Variants in SHROOM3 observed in about 807,000 individuals in gnomAD.
The protein encoded by SHROOM3 is protein Shroom3.
In SHROOM3, 47 loss-of-function variants were observed where a neutral mutation model predicts 138.6. The observed-to-expected ratio is 0.34, with a 90% CI of 0.27 to 0.43. SHROOM3 has a LOEUF of 0.43. Among genes scored for constraint, SHROOM3 ranks in the 20% least tolerant of loss-of-function variants. The pLI, the probability that SHROOM3 is intolerant of heterozygous loss-of-function variation, is 1.00. For missense variants in SHROOM3, 2,491 were observed against 2,596.5 expected (o/e 0.96, Z 0.88); for synonymous variants, 1,062 against 1,063.3 (o/e 1.00, Z 0.02).
intron 2 of SHROOM3, among the ~76,000 whole-genome samples, chr4:76,595,682 AATAGT>A (rs1734367215): frequency 6.6e-6 from 1 of 152,148 alleles, no homozygotes; most frequent in Non-Finnish European, 1.5e-5. Context: ...GATTACCAAG[AATAGT>A]ATAGACCAGG....
chr4:76,778,750 G>A, intron 10 of SHROOM3, 59 bp from the exon 11 acceptor site: 1 of 1,610,378 alleles, frequency 6.2e-7, no homozygotes, highest in East Asian at 2.2e-5. Flanking sequence ...CTTGCAGGGA[G>A]TCTGGCTCTT....
chr4:76,569,655 C>T (rs1227007719), intron 2 of SHROOM3, among the ~76,000 whole-genome samples: 1 of 150,936 alleles, frequency 6.6e-6, no homozygotes. Flanking sequence ...CTCTCTCACA[C>T]ATCTTTCCAG....
intron 3 of SHROOM3, 32 bp from the exon 4 acceptor site, chr4:76,730,772 A>G (rs1720847642): frequency 6.2e-7 from 1 of 1,613,360 alleles, no homozygotes; most frequent in Non-Finnish European, 8.5e-7. Flanking sequence ...GACTTTGGCT[A>G]ATGTTGGGGG....
intron 1 of SHROOM3, among the ~76,000 whole-genome samples, chr4:76,493,215 A>G (rs572546370): frequency 3.1e-5 from 4 of 129,916 alleles, no homozygotes; most frequent in Non-Finnish European, 6.3e-5. Flanking sequence ...CAGGAGTGAA[A>G]CTCCATCTCA....
At chr4:76,443,558 C>A (rs1221886231) in intron 1 of SHROOM3, among the ~76,000 whole-genome samples, 1 of 152,224 alleles carries the variant, frequency 6.6e-6, no homozygotes, top group Admixed American at 6.5e-5. Context: ...GTGCAGAGTC[C>A]TTGTTCTCCC....
chr4:76,597,338 T>C (rs1027303517), intron 2 of SHROOM3, among the ~76,000 whole-genome samples: 3 of 152,098 alleles, frequency 2.0e-5, no homozygotes, highest in Non-Finnish European at 4.4e-5. Flanking sequence ...AGTGAAGTCA[T>C]AGACAAAATC....
intron 2 of SHROOM3, among the ~76,000 whole-genome samples, chr4:76,587,826 G>A (rs1340404042): frequency 6.6e-6 from 1 of 152,158 alleles, no homozygotes; most frequent in Non-Finnish European, 1.5e-5. Flanking sequence ...CCATAGGTAG[G>A]TAGACACAAA....
At chr4:76,775,502 C>T (rs912811667) in intron 10 of SHROOM3, among the ~76,000 whole-genome samples, 1 of 151,998 alleles carries the variant, frequency 6.6e-6, no homozygotes, top group South Asian at 2.1e-4. Context: ...CCTTAAAGAA[C>T]TAAAAGTACA....
At chr4:76,622,507 CAA>C (rs1209503240) in intron 2 of SHROOM3, among the ~76,000 whole-genome samples, 2 of 151,844 alleles carry the variant, frequency 1.3e-5, no homozygotes, top group Non-Finnish European at 1.5e-5. Context: ...GTATTCCTAC[CAA>C]AGTTTCCATT....
intron 1 of SHROOM3, among the ~76,000 whole-genome samples, chr4:76,458,893 G>A (rs1731086004): frequency 6.6e-6 from 1 of 152,146 alleles, no homozygotes; most frequent in Admixed American, 6.5e-5. Context: ...CCTGTATTTG[G>A]ACAGGAGCTC....
At chr4:76,723,828 G>C (rs1486703160) in intron 3 of SHROOM3, among the ~76,000 whole-genome samples, 1 of 152,188 alleles carries the variant, frequency 6.6e-6, no homozygotes, top group Non-Finnish European at 1.5e-5. Context: ...GCCTAGAATG[G>C]TGGTTGGCAC....
intron 2 of SHROOM3, among the ~76,000 whole-genome samples, chr4:76,696,227 C>T (rs1377585925): frequency 1.3e-5 from 2 of 152,214 alleles, no homozygotes; most frequent in Non-Finnish European, 2.9e-5. Flanking sequence ...TCACAATAGA[C>T]GCACATGGTT....
chr4:76,570,292 A>G (rs1319390626), intron 2 of SHROOM3, among the ~76,000 whole-genome samples: 1 of 152,078 alleles, frequency 6.6e-6, no homozygotes, highest in African/African-American at 2.4e-5. Context: ...AATGGCCTCC[A>G]TGTCACTCTG....
chr4:76,748,814 CTT>C (rs34047499), intron 5 of SHROOM3, among the ~76,000 whole-genome samples: 3 of 100,566 alleles, frequency 3.0e-5, no homozygotes, highest in Non-Finnish European at 1.9e-5. Flanking sequence ...TCTGACTCTG[CTT>C]TTTTTTTTTT....
intron 1 of SHROOM3, among the ~76,000 whole-genome samples, chr4:76,442,503 G>A (rs985675431): frequency 1.4e-4 from 20 of 147,956 alleles, no homozygotes; most frequent in African/African-American, 5.0e-4. Context: ...TCCACCTCCC[G>A]GGTTCACGCC....
At position 76,686,682 on chromosome 4, in the gene SHROOM3, C is replaced by T. The variant is rs188354323; in HGVS notation, c.324-23474C>T. 1.6e-3 allele frequency among the ~76,000 whole-genome samples: 240 copies of T among 152,000 alleles called. 1 individual carries two copies. Among genetic ancestry groups the T allele is most frequent in the Non-Finnish European group, 1.6e-3 (108 of 67,994 alleles). On this transcript the variant is annotated intron_variant, in intron 2 of 10. Transcript: ENST00000296043. ...TCTCAATATCTATATGAATCAGACC[C>T]TCTGAATATACTAGATCCTCAATAA...
chr4:76,522,605 C>T (rs1378316695), intron 1 of SHROOM3, among the ~76,000 whole-genome samples: 3 of 151,948 alleles, frequency 2.0e-5, no homozygotes, highest in African/African-American at 4.8e-5. Context: ...ACCAGCCTGG[C>T]CAGCATGGTG....
At chr4:76,448,266 T>C (rs1433710813) in intron 1 of SHROOM3, among the ~76,000 whole-genome samples, 1 of 152,216 alleles carries the variant, frequency 6.6e-6, no homozygotes, top group African/African-American at 2.4e-5. Context: ...ACATCATTTA[T>C]TGAGTGCCTA....
At chr4:76,541,447 G>C (rs929926002) in intron 1 of SHROOM3, among the ~76,000 whole-genome samples, 2 of 152,178 alleles carry the variant, frequency 1.3e-5, no homozygotes, top group African/African-American at 4.8e-5. Flanking sequence ...AGGCATGGCT[G>C]GGGGCCAGCT....
Sources: allele counts gnomAD v4.1 joint callset (sites outside exome capture counted in the v4.1 genomes callset), GRCh38; gene constraint gnomAD v4.1.1; transcripts MANE v1.5; gene names NCBI Gene and HGNC (gene_info 2026-07-23, HGNC 2026-07-21).